CAMK1G: variants seen among roughly 807,000 people sequenced by gnomAD.
CAMK1G encodes the protein calcium/calmodulin dependent protein kinase IG, also known as calcium/calmodulin-dependent protein kinase type 1G.
In CAMK1G, 27 loss-of-function variants were observed where a neutral mutation model predicts 54.8. That is an observed-to-expected ratio of 0.49 (90% confidence interval 0.36 to 0.68). The LOEUF is 0.68. CAMK1G is among the 30% of genes least tolerant of loss of function. CAMK1G has a pLI of 0.00. For missense variants in CAMK1G, 512 were observed against 591.0 expected, an observed-to-expected ratio of 0.87 and a Z score of 1.39; for synonymous variants, 238 against 224.9, an observed-to-expected ratio of 1.06 and a Z score of -0.52.
Position 209,595,011 on chromosome 1 carries a change from A to G in CAMK1G, c.28A>G (p.Ser10Gly), listed in dbSNP as rs138495087. The G allele has an allele frequency of 1.5e-3, 2,404 of 1,614,114 alleles. 8 individuals are homozygous for G. Among genetic ancestry groups the G allele is most frequent in the Admixed American group, 3.8e-3 (230 of 59,998 alleles). Reference protein sequence around the residue: MGRKEEDDCSSWKKQTTNIR... With the variant: MGRKEEDDCGSWKKQTTNIR... ...GGGTCGAAAGGAAGAAGATGACTGC[A>G]GTTCCTGGAAGAAACAGACCACCAA... The change falls in exon 2 of 13, where the codon AGT becomes GGT. Residue 10 changes from serine (S) to glycine (G), a missense_variant. Ser to Gly is a moderately conservative substitution (Grantham distance 56). Coordinates refer to ENST00000361322, the MANE Select transcript of CAMK1G (RefSeq NM_020439.3).
At chr1:209,598,068 C>G (rs573100522) in intron 2 of CAMK1G, among the ~76,000 whole-genome samples, 3 of 152,262 alleles carry the variant, frequency 2.0e-5, no homozygotes, top group African/African-American at 7.2e-5. Context: ...CTTTTTATCC[C>G]AAAAGCTGAG....
chr1:209,613,440 T>C lies in CAMK1G; in HGVS notation c.*438T>C, dbSNP rs1665837542. The stretch of plus-strand genomic sequence containing the variant: ...GGAGCATCTACCCAGACTCCCACTC[T>C]GCACACACTCACTCCCACCTCTCAA... On this transcript the variant is annotated 3_prime_UTR_variant, in exon 13 of 13. Transcript: ENST00000361322. 1.3e-5 allele frequency: 2 copies of C among 153,348 alleles called. No individual in the cohort carries two copies. Among genetic ancestry groups the C allele is most frequent in the Admixed American group, 6.5e-5 (1 of 15,472 alleles). The allele number at this position is 153,348 out of a possible 1,614,324, so 9.5% of individuals were successfully genotyped here. A position where few individuals can be genotyped will look rare whatever the true frequency, so the allele number is the denominator to read the frequency against.
chr1:209,609,148 A>G, intron 8 of CAMK1G, 56 bp downstream of exon 8: 1 of 1,607,696 alleles, frequency 6.2e-7, no homozygotes, highest in South Asian at 1.1e-5. Context: ...GGCTGCCAAG[A>G]GAAATGAGCT....
intron 1 of CAMK1G, among the ~76,000 whole-genome samples, chr1:209,592,156 G>A (rs1232489186): frequency 6.6e-6 from 1 of 151,938 alleles, no homozygotes; most frequent in Non-Finnish European, 1.5e-5. Flanking sequence ...AGACCAGCCT[G>A]GGCAACAGAG....
rs201488482 is a variant in CAMK1G at position 209,612,009 on chromosome 1, G to A, written c.1133G>A (p.Gly378Asp). The A allele has an allele frequency of 3.1e-6, 5 of 1,614,214 alleles. No individual in the cohort carries two copies. In the Admixed American group the frequency reaches 8.3e-5, roughly 27 times the overall value. The change falls in exon 11 of 13, where the codon GGC becomes GAC. Residue 378 changes from glycine (G) to aspartate (D), a missense_variant. By Grantham distance (94) the Gly-to-Asp change is moderately conservative. Around this residue, in one of 3 missense-constraint regions of CAMK1G, gnomAD observed 315 missense variants for 330.5 expected, o/e 0.95. Coordinates refer to ENST00000361322, the MANE Select transcript of CAMK1G (RefSeq NM_020439.3). ...PALTQLPCQH[G>D]RRPTAPGGRS... ...CTGACCCAATTACCCTGCCAGCATGGCCGCCGGCCCACTGCCCCTGGTGGC... is the reference window on the plus strand; with the variant it reads ...CTGACCCAATTACCCTGCCAGCATGACCGCCGGCCCACTGCCCCTGGTGGC...
At chr1:209,611,113 A>T (rs900068452) in intron 9 of CAMK1G, among the ~76,000 whole-genome samples, 3 of 152,156 alleles carry the variant, frequency 2.0e-5, no homozygotes, top group Admixed American at 2.0e-4. Flanking sequence ...TATGGCAACT[A>T]CTCAACCCTG....
Position 209,606,382 on chromosome 1 carries a change from T to A in CAMK1G, c.498T>A (p.Gly166=). ...CTAAGATCATGATCACTGACTTTGG[T>A]CTGTCCAAGATGGAACAGAATGGCA... ...ENSKIMITDF[G]LSKMEQNGIM... The change falls in exon 6 of 13, where the codon GGT becomes GGA. Residue 166 remains glycine (G), a synonymous_variant. Coordinates refer to ENST00000361322, the MANE Select transcript of CAMK1G (RefSeq NM_020439.3). The A allele has an allele frequency of 6.2e-7, 1 of 1,614,140 alleles. No individual in the cohort carries two copies. Among genetic ancestry groups the A allele is most frequent in the Non-Finnish European group, 8.5e-7 (1 of 1,179,980 alleles).
intron 1 of CAMK1G, among the ~76,000 whole-genome samples, chr1:209,587,538 G>A (rs1665134868): frequency 6.6e-6 from 1 of 152,066 alleles, no homozygotes; most frequent in African/African-American, 2.4e-5. Context: ...GGGGGCCAGA[G>A]GAGGTAGCAA....
intron 1 of CAMK1G, 67 bp from the exon 2 acceptor site, chr1:209,594,888 A>T: frequency 1.1e-6 from 1 of 890,260 alleles, no homozygotes; most frequent in Non-Finnish European, 1.7e-6. Context: ...GCCTGTTTTT[A>T]ATCTTGTTTG....
chr1:209,607,858 C>T lies in CAMK1G; in HGVS notation c.560C>T (p.Ala187Val), dbSNP rs1277325714. Residue 187 changes from alanine (A) to valine (V), a missense_variant and splice_region_variant, in exon 7 of 13, where the codon GCT becomes GTT. Coordinates refer to ENST00000361322, the MANE Select transcript of CAMK1G (RefSeq NM_020439.3). ...STACGTPGYV[A>V]PEVLAQKPYS... Reference sequence around the variant, plus strand: ...TGACTCTGCCCTTGGTCTGCTGCAGCTCCAGAAGTGCTGGCCCAGAAACCC... The same window carrying T: ...TGACTCTGCCCTTGGTCTGCTGCAGTTCCAGAAGTGCTGGCCCAGAAACCC... 7 of 1,612,518 alleles carry T rather than the reference C, an allele frequency of 4.3e-6. No homozygotes were observed. The highest frequency in any genetic ancestry group is 5.9e-6 in the Non-Finnish European group (7 of 1,179,312).
intron 4 of CAMK1G, among the ~76,000 whole-genome samples, chr1:209,604,731 A>G (rs562859990): frequency 6.6e-6 from 1 of 152,290 alleles, no homozygotes; most frequent in South Asian, 2.1e-4. Flanking sequence ...CTATCTTTGT[A>G]TACTTGAAAG....
intron 3 of CAMK1G, 47 bp downstream of exon 3, chr1:209,600,158 T>C: frequency 2.5e-6 from 4 of 1,591,960 alleles, no homozygotes; most frequent in Non-Finnish European, 3.4e-6. Context: ...ATCACAACAT[T>C]TTCTTCACAA....
At position 209,608,882 on chromosome 1, in the gene CAMK1G, C is replaced by A. The variant is rs939064247; in HGVS notation, c.636-98C>A. The stretch of plus-strand genomic sequence containing the variant: ...CACCACTGTTCTGGGACCTTCAGTG[C>A]CCACCTGTGTATACAGTGGGAGCTT... On this transcript the variant is annotated intron_variant, in intron 7 of 12. Coordinates refer to ENST00000361322, the MANE Select transcript of CAMK1G (RefSeq NM_020439.3). The A allele has an allele frequency of 3.3e-6, 5 of 1,530,702 alleles. No homozygotes were observed. In the African/African-American group the frequency reaches 4.1e-5, roughly 13 times the overall value. The allele number at this position is 1,530,702 out of a possible 1,614,324, so 94.8% of individuals were successfully genotyped here.
chr1:209,608,696 T>C (rs1056497306), intron 7 of CAMK1G, among the ~76,000 whole-genome samples: 4 of 152,184 alleles, frequency 2.6e-5, no homozygotes, highest in African/African-American at 9.7e-5. Flanking sequence ...TTATATAGCA[T>C]TCATAAGTCA....
chr1:209,602,190 G>A (rs1175877342), intron 3 of CAMK1G, among the ~76,000 whole-genome samples: 1 of 152,074 alleles, frequency 6.6e-6, no homozygotes, highest in Non-Finnish European at 1.5e-5. Context: ...TTGTGGTGCT[G>A]GGGGCTGTAC....
intron 8 of CAMK1G, 131 bp downstream of exon 8, chr1:209,609,223 G>A (rs1469874498): frequency 3.0e-6 from 3 of 993,852 alleles, no homozygotes; most frequent in Non-Finnish European, 4.5e-6. Context: ...GGCTGCCAAG[G>A]AAAGTGGAGA....
At position 209,594,938 on chromosome 1, in the gene CAMK1G, C is replaced by T. The variant is rs759731299; in HGVS notation, c.-29-17C>T. On this transcript the variant is annotated splice_polypyrimidine_tract_variant and intron_variant, in intron 1 of 12. Coordinates refer to ENST00000361322, the MANE Select transcript of CAMK1G (RefSeq NM_020439.3). ...CAGACCTTTTTTCTCCTCCTTCTCCCACTCCCTGCAATAAAGCATCCTCAG... is the reference window on the plus strand; with the variant it reads ...CAGACCTTTTTTCTCCTCCTTCTCCTACTCCCTGCAATAAAGCATCCTCAG... The T allele has an allele frequency of 1.6e-5, 24 of 1,530,436 alleles. No homozygotes were observed. The highest frequency in any genetic ancestry group is 2.1e-5 in the Non-Finnish European group (23 of 1,112,486). 94.8% of individuals were successfully genotyped at this position (1,530,436 alleles called of 1,614,324 possible). A position where few individuals can be genotyped will look rare whatever the true frequency, so the allele number is the denominator to read the frequency against.
intron 9 of CAMK1G, among the ~76,000 whole-genome samples, chr1:209,610,621 C>A (rs1344384683): frequency 6.6e-6 from 1 of 152,214 alleles, no homozygotes; most frequent in Non-Finnish European, 1.5e-5. Flanking sequence ...AATGTCCTGC[C>A]TCTTGCCCTG....
At chr1:209,608,082 C>G (rs1263418715) in intron 7 of CAMK1G, 149 bp downstream of exon 7, 4 of 600,150 alleles carry the variant, frequency 6.7e-6, no homozygotes, top group African/African-American at 1.9e-5. Flanking sequence ...TACACACACA[C>G]ACACACACAC....
Sources: allele counts gnomAD v4.1 joint callset (sites outside exome capture counted in the v4.1 genomes callset), GRCh38; gene constraint gnomAD v4.1.1; regional missense constraint gnomAD v4.1.1; transcripts MANE v1.5; gene names NCBI Gene and HGNC (gene_info 2026-07-23, HGNC 2026-07-21).